SCLT1: variants seen among roughly 807,000 people sequenced by gnomAD.
SCLT1 encodes sodium channel and clathrin linker 1.
SCLT1 carries 78 observed loss-of-function variants against 112.8 expected under a neutral mutation model. The observed-to-expected ratio is 0.69, with a 90% confidence interval of 0.58 to 0.83. The LOEUF (loss-of-function observed/expected upper bound fraction) is 0.83. Ranked by LOEUF, SCLT1 falls within the 40% of genes least tolerant of loss-of-function variation. SCLT1 has a pLI of 0.00. For missense variants in SCLT1, 747 were observed against 770.4 expected (o/e 0.97, Z 0.36); for synonymous variants, 257 against 254.7 (o/e 1.01, Z -0.09).
chr4:129,025,054 A>C (rs1169981631), intron 5 of SCLT1, among the ~76,000 whole-genome samples: 2 of 152,220 alleles, frequency 1.3e-5, no homozygotes, highest in Non-Finnish European at 2.9e-5. Flanking sequence ...CTATGTGAAA[A>C]GACCAAATCT....
At chr4:129,091,777 T>C (rs772313150) in intron 1 of SCLT1, among the ~76,000 whole-genome samples, 4 of 152,212 alleles carry the variant, frequency 2.6e-5, no homozygotes, top group Non-Finnish European at 2.9e-5. Context: ...ATACTCATTA[T>C]ATAAATGAGA....
chr4:129,026,161 G>A (rs1746051455), intron 5 of SCLT1, among the ~76,000 whole-genome samples: 1 of 152,002 alleles, frequency 6.6e-6, no homozygotes, highest in African/African-American at 2.4e-5. Flanking sequence ...AGTTAACAAG[G>A]ATATCCAGGA....
At chr4:128,908,070 A>G (rs1365825274) in intron 18 of SCLT1, among the ~76,000 whole-genome samples, 2 of 152,224 alleles carry the variant, frequency 1.3e-5, no homozygotes, top group Non-Finnish European at 2.9e-5. Context: ...CTGATACAGT[A>G]CAAAGGAAAA....
At chr4:129,028,612 T>C (rs948588694) in intron 5 of SCLT1, among the ~76,000 whole-genome samples, 4 of 151,914 alleles carry the variant, frequency 2.6e-5, no homozygotes, top group Non-Finnish European at 5.9e-5. Context: ...AAGACATAGG[T>C]ATGGGCAAGG....
chr4:129,044,567 A>T (rs1417624619), intron 2 of SCLT1, among the ~76,000 whole-genome samples: 1 of 151,984 alleles, frequency 6.6e-6, no homozygotes, highest in Non-Finnish European at 1.5e-5. Flanking sequence ...GGAATAAAGC[A>T]AACAAAAAAT....
At chr4:128,956,367 C>T (rs1739215130) in intron 13 of SCLT1, among the ~76,000 whole-genome samples, 1 of 151,998 alleles carries the variant, frequency 6.6e-6, no homozygotes, top group Non-Finnish European at 1.5e-5. Context: ...TCCAATGTTA[C>T]AGTACTCTCA....
intron 19 of SCLT1, among the ~76,000 whole-genome samples, chr4:128,889,731 G>T (rs1171582500): frequency 1.3e-5 from 2 of 152,084 alleles, no homozygotes; most frequent in Non-Finnish European, 2.9e-5. Flanking sequence ...TACTAGCCTG[G>T]TTATAGTACA....
intron 10 of SCLT1, among the ~76,000 whole-genome samples, chr4:128,966,469 T>G (rs1740202813): frequency 6.6e-6 from 1 of 152,204 alleles, no homozygotes; most frequent in African/African-American, 2.4e-5. Context: ...GCCATTGTTG[T>G]CATATATTAC....
downstream of SCLT1, among the ~76,000 whole-genome samples, chr4:128,883,602 C>A (rs1360091941): frequency 6.6e-6 from 1 of 152,020 alleles, no homozygotes; most frequent in Non-Finnish European, 1.5e-5. Context: ...CTGTTAGCAC[C>A]ATTACTAAAT....
In SCLT1 at chr4:128,884,408, C is replaced by T; in HGVS notation, c.*69G>A. The T allele has an allele frequency of 1.1e-6, 1 of 897,416 alleles. No individual in the cohort carries two copies. Among genetic ancestry groups the T allele is most frequent in the African/African-American group, 1.6e-5 (1 of 60,782 alleles). The allele number at this position is 897,416 out of a possible 1,614,324, so 55.6% of individuals were successfully genotyped here. ...AACTATTATACTTTGCAGGCTTTAC[C>T]ATTTCAATACACTTCTAGTCCAACT... is the stretch of plus-strand genomic sequence containing the variant. On this transcript the variant is annotated 3_prime_UTR_variant, in exon 21 of 21. Coordinates refer to ENST00000281142, the MANE Select transcript of SCLT1 (RefSeq NM_144643.4).
intron 2 of SCLT1, among the ~76,000 whole-genome samples, chr4:129,066,140 T>G (rs1370628899): frequency 6.6e-6 from 1 of 151,998 alleles, no homozygotes; most frequent in Non-Finnish European, 1.5e-5. Context: ...GTAATAAAAT[T>G]CACAGCAGAA....
chr4:128,892,648 T>G (rs967303613), intron 18 of SCLT1, among the ~76,000 whole-genome samples: 3 of 152,184 alleles, frequency 2.0e-5, no homozygotes, highest in African/African-American at 7.2e-5. Flanking sequence ...AGCAATGTCA[T>G]CCACTATTCA....
downstream of SCLT1, among the ~76,000 whole-genome samples, chr4:128,880,261 T>C (rs527853087): frequency 6.6e-5 from 10 of 152,206 alleles, no homozygotes; most frequent in East Asian, 1.9e-3. Context: ...ATTAAGGGAG[T>C]TGGTGCTTGG....
chr4:128,979,325 G>A (rs1741447472), intron 9 of SCLT1, among the ~76,000 whole-genome samples: 1 of 152,074 alleles, frequency 6.6e-6, no homozygotes, highest in African/African-American at 2.4e-5. Context: ...ATATTACCAG[G>A]TGGGGCCTTT....
At chr4:128,909,629 A>C (rs1300498026) in intron 18 of SCLT1, among the ~76,000 whole-genome samples, 1 of 152,208 alleles carries the variant, frequency 6.6e-6, no homozygotes, top group Non-Finnish European at 1.5e-5. Context: ...CTTCACTGTC[A>C]ATAATCTAAA....
chr4:128,976,929 T>C, intron 9 of SCLT1, among the ~76,000 whole-genome samples: 1 of 152,190 alleles, frequency 6.6e-6, no homozygotes, highest in East Asian at 1.9e-4. Flanking sequence ...AATTGACAGT[T>C]AAGTTATCTG....
intron 18 of SCLT1, among the ~76,000 whole-genome samples, chr4:128,896,228 C>G (rs925283154): frequency 6.6e-6 from 1 of 152,226 alleles, no homozygotes; most frequent in Non-Finnish European, 1.5e-5. Flanking sequence ...TGAGAACAGA[C>G]AGACTGCCTC....
intron 2 of SCLT1, among the ~76,000 whole-genome samples, chr4:129,052,088 T>G (rs751515006): frequency 1.3e-5 from 2 of 152,210 alleles, no homozygotes; most frequent in Non-Finnish European, 2.9e-5. Flanking sequence ...GACTTGATGG[T>G]AGATAAACTT....
intron 9 of SCLT1, among the ~76,000 whole-genome samples, chr4:128,982,798 G>T (rs555068928): frequency 1.5e-4 from 23 of 151,984 alleles, no homozygotes; most frequent in African/African-American, 4.1e-4. Context: ...TACCGCACCT[G>T]GCCAGCTAAA....
Sources: gnomAD v4.1 joint callset for allele counts (sites outside exome capture counted in the v4.1 genomes callset) on GRCh38, gnomAD v4.1.1 for gene constraint, MANE v1.5 for transcripts, NCBI Gene and HGNC (gene_info 2026-07-23, HGNC 2026-07-21) for gene names.